The following ZFHX3 variants were observed in gnomAD, a reference collection of about 807,000 sequenced individuals.
The protein encoded by ZFHX3 is zinc finger homeobox 3, also known as zinc finger homeobox protein 3.
In ZFHX3, 42 loss-of-function variants were observed where a neutral mutation model predicts 279.1. The ratio of observed to expected loss-of-function variants is 0.15; its 90% CI spans 0.12 to 0.19. ZFHX3 has a LOEUF of 0.19. Ranked by LOEUF, ZFHX3 falls within the 10% of genes least tolerant of loss-of-function variation. The pLI, the probability that ZFHX3 is intolerant of heterozygous loss-of-function variation, is 1.00. For missense variants in ZFHX3, 4,981 were observed against 4,754.0 expected, an observed-to-expected ratio of 1.05 and a Z score of -1.40; for synonymous variants, 2,293 against 1,957.8, an observed-to-expected ratio of 1.17 and a Z score of -4.52.
intron 5 of ZFHX3, among the ~76,000 whole-genome samples, chr16:73,244,953 C>T (rs2013234695): frequency 6.6e-6 from 1 of 152,142 alleles, no homozygotes; most frequent in East Asian, 1.9e-4. Flanking sequence ...GAAGTGGGGG[C>T]TTACAATTGC....
chr16:73,696,660 G>A (rs1465672467), intron 1 of ZFHX3, among the ~76,000 whole-genome samples: 2 of 152,192 alleles, frequency 1.3e-5, no homozygotes, highest in East Asian at 3.8e-4. Context: ...TGTATGTAAT[G>A]TCAGCCCCGT....
At chr16:73,349,923 C>G (rs2016207148) in intron 3 of ZFHX3, among the ~76,000 whole-genome samples, 1 of 147,212 alleles carries the variant, frequency 6.8e-6, no homozygotes, top group Admixed American at 6.9e-5. Context: ...CTCCTTTTTC[C>G]TTTCCTCTCC....
chr16:72,911,585 C>A (rs893828735), intron 3 of ZFHX3, among the ~76,000 whole-genome samples: 12 of 152,232 alleles, frequency 7.9e-5, no homozygotes, highest in African/African-American at 2.9e-4. Context: ...CCGCGGATAA[C>A]CCAGGGCAGA....
chr16:73,381,439 C>A (rs555120488), intron 3 of ZFHX3, among the ~76,000 whole-genome samples: 110 of 150,180 alleles, frequency 7.3e-4, no homozygotes, highest in African/African-American at 2.6e-3. Flanking sequence ...GTGGTTTGGG[C>A]AGAGAGAGAG....
At chr16:73,048,262 C>G (rs1306048833), upstream of ZFHX3, 1 of 151,988 alleles carries the variant, frequency 6.6e-6, no homozygotes, top group Non-Finnish European at 1.5e-5. Context: ...CGCTGCCGCT[C>G]GGCTCCCCGG....
intron 4 of ZFHX3, among the ~76,000 whole-genome samples, chr16:72,842,700 A>G (rs372406244): frequency 1.2e-4 from 19 of 152,366 alleles, no homozygotes; most frequent in African/African-American, 4.3e-4. Context: ...AGGTAAGGTT[A>G]TATCTTAAAA....
At chr16:72,933,288 G>A (rs1386412716) in intron 3 of ZFHX3, among the ~76,000 whole-genome samples, 2 of 151,614 alleles carry the variant, frequency 1.3e-5, no homozygotes, top group Non-Finnish European at 1.5e-5. Context: ...CCTGTCTTCA[G>A]AGACACAACA....
chr16:73,417,353 T>C (rs2017609717), intron 3 of ZFHX3, among the ~76,000 whole-genome samples: 1 of 151,856 alleles, frequency 6.6e-6, no homozygotes, highest in African/African-American at 2.4e-5. Flanking sequence ...TACTTTGGTA[T>C]TAGTATTGTA....
chr16:73,122,134 C>T (rs545415912), intron 7 of ZFHX3, among the ~76,000 whole-genome samples: 3 of 152,084 alleles, frequency 2.0e-5, no homozygotes, highest in African/African-American at 7.2e-5. Context: ...GGTACCCTAT[C>T]CATACTTGTG....
intron 2 of ZFHX3, among the ~76,000 whole-genome samples, chr16:73,646,977 C>T (rs907788743): frequency 1.3e-5 from 2 of 149,306 alleles, no homozygotes. Flanking sequence ...ATGTTTCAGG[C>T]GAATTAGGAC....
At chr16:73,129,899 G>A (rs1045397395) in intron 7 of ZFHX3, among the ~76,000 whole-genome samples, 2 of 152,024 alleles carry the variant, frequency 1.3e-5, no homozygotes, top group African/African-American at 4.8e-5. Context: ...TTTTAAATAT[G>A]GTTTTAATTA....
intron 4 of ZFHX3, among the ~76,000 whole-genome samples, chr16:73,308,614 T>A (rs577419345): frequency 6.6e-6 from 1 of 152,248 alleles, no homozygotes; most frequent in East Asian, 1.9e-4. Flanking sequence ...GCCTATTTTT[T>A]AATTCTCGCA....
chr16:73,148,374 T>A (rs1184961374), intron 5 of ZFHX3, among the ~76,000 whole-genome samples: 1 of 152,208 alleles, frequency 6.6e-6, no homozygotes, highest in Admixed American at 6.5e-5. Context: ...CTCTTCCTTG[T>A]TTGGCAGAAA....
chr16:73,217,368 A>T (rs1373031244), intron 5 of ZFHX3, among the ~76,000 whole-genome samples: 2 of 152,184 alleles, frequency 1.3e-5, no homozygotes, highest in African/African-American at 4.8e-5. Context: ...GAAATTCAAC[A>T]CAAGGCAACA....
At chr16:73,799,620 C>A (rs1960087375) in intron 1 of ZFHX3, among the ~76,000 whole-genome samples, 1 of 152,134 alleles carries the variant, frequency 6.6e-6, no homozygotes, top group African/African-American at 2.4e-5. Context: ...AAAAAGCCTT[C>A]CCCTGCTTCC....
chr16:73,358,892 A>T (rs1404471956), intron 3 of ZFHX3, among the ~76,000 whole-genome samples: 2 of 152,238 alleles, frequency 1.3e-5, no homozygotes, highest in Non-Finnish European at 2.9e-5. Context: ...TCTACAAAAC[A>T]GAGGTAATAA....
At chr16:73,600,587 T>C (rs1757695010) in intron 2 of ZFHX3, among the ~76,000 whole-genome samples, 1 of 151,922 alleles carries the variant, frequency 6.6e-6, no homozygotes, top group African/African-American at 2.4e-5. Context: ...CCGGCCAATG[T>C]TTTTTTGTAT....
intron 1 of ZFHX3, among the ~76,000 whole-genome samples, chr16:73,818,236 C>T (rs576721378): frequency 7.2e-5 from 11 of 152,204 alleles, no homozygotes; most frequent in South Asian, 6.2e-4. Flanking sequence ...CTACTGCACA[C>T]GCAAAAGCAA....
chr16:73,881,330 T>C (rs2030142586), intron 1 of ZFHX3, among the ~76,000 whole-genome samples: 1 of 152,178 alleles, frequency 6.6e-6, no homozygotes, highest in Admixed American at 6.5e-5. Context: ...CTTATGTTTC[T>C]GCATCAGGTT....
Sources: allele counts gnomAD v4.1 joint callset (sites outside exome capture counted in the v4.1 genomes callset), GRCh38; gene constraint gnomAD v4.1.1; transcripts MANE v1.5; gene names NCBI Gene and HGNC (gene_info 2026-07-23, HGNC 2026-07-21).